Variants in CRIM1 observed in about 807,000 individuals in gnomAD.
CRIM1 encodes cysteine rich transmembrane BMP regulator 1.
In CRIM1, 32 loss-of-function variants were observed where a neutral mutation model predicts 116.4. The ratio of observed to expected loss-of-function variants is 0.27; its 90% CI spans 0.21 to 0.37. CRIM1 has a LOEUF of 0.37. Ranked by LOEUF, CRIM1 falls within the 10% of genes least tolerant of loss-of-function variation. The pLI is 1.00. For missense variants in CRIM1, 1,331 were observed against 1,354.8 expected, an observed-to-expected ratio of 0.98 and a Z score of 0.28; for synonymous variants, 590 against 509.2, an observed-to-expected ratio of 1.16 and a Z score of -2.13.
intron 1 of CRIM1, among the ~76,000 whole-genome samples, chr2:36,382,637 C>T (rs957651437): frequency 3.9e-5 from 6 of 152,330 alleles, no homozygotes; most frequent in Non-Finnish European, 7.4e-5. Context: ...TTCCTCCACC[C>T]GATTGATAAG....
chr2:36,441,558 C>T, intron 3 of CRIM1, 58 bp downstream of exon 3: 3 of 1,581,464 alleles, frequency 1.9e-6, no homozygotes, highest in South Asian at 1.1e-5. Context: ...GTAGCAGATC[C>T]CTCCTCAGCC....
intron 12 of CRIM1, 61 bp from the exon 13 acceptor site, chr2:36,522,031 A>G (rs1234220739): frequency 1.7e-5 from 24 of 1,410,640 alleles, no homozygotes; most frequent in South Asian, 1.0e-4. Context: ...GAAACACACT[A>G]TGTTGCATAG....
At chr2:36,358,212 C>T (rs972843296) in intron 1 of CRIM1, among the ~76,000 whole-genome samples, 3 of 152,162 alleles carry the variant, frequency 2.0e-5, no homozygotes, top group Non-Finnish European at 4.4e-5. Context: ...TTATGCCTTA[C>T]CTCAAGAAAA....
At chr2:36,546,231 A>G (rs909219531) in intron 15 of CRIM1, among the ~76,000 whole-genome samples, 3 of 152,186 alleles carry the variant, frequency 2.0e-5, no homozygotes, top group African/African-American at 2.4e-5. Context: ...TATAAAAATA[A>G]GGAAACTTTA....
chr2:36,369,849 A>G (rs1006924388), intron 1 of CRIM1, among the ~76,000 whole-genome samples: 3 of 152,180 alleles, frequency 2.0e-5, no homozygotes, highest in African/African-American at 4.8e-5. Context: ...CCTTCTTTGA[A>G]TGTGTAGTTA....
intron 2 of CRIM1, among the ~76,000 whole-genome samples, chr2:36,410,273 T>C (rs557204573): frequency 6.6e-6 from 1 of 152,224 alleles, no homozygotes; most frequent in Admixed American, 6.5e-5. Flanking sequence ...TGGGATTTTT[T>C]TTTCAATTTC....
intron 8 of CRIM1, among the ~76,000 whole-genome samples, chr2:36,507,222 CAT>C (rs745395083): frequency 2.6e-5 from 4 of 152,272 alleles, no homozygotes; most frequent in Admixed American, 6.5e-5. Flanking sequence ...TCATAATTGA[CAT>C]ATGTGGATTT....
At chr2:36,536,084 CT>C (rs1558412733) in intron 13 of CRIM1, among the ~76,000 whole-genome samples, 2 of 152,168 alleles carry the variant, frequency 1.3e-5, no homozygotes, top group Non-Finnish European at 2.9e-5. Flanking sequence ...TGTCTGTGAC[CT>C]TCCTCTGGAA....
At chr2:36,506,157 ACTCTCTCTCT>A (rs1191448142) in intron 8 of CRIM1, among the ~76,000 whole-genome samples, 7 of 125,278 alleles carry the variant, frequency 5.6e-5, no homozygotes, top group African/African-American at 2.3e-4. Context: ...ACACACACAC[ACTCTCTCTCT>A]CTCTCTCTCT....
At chr2:36,479,476 T>G in intron 6 of CRIM1, 21 bp from the exon 7 acceptor site, 1 of 1,611,958 alleles carries the variant, frequency 6.2e-7, no homozygotes, top group South Asian at 1.1e-5. Context: ...AGTCTAACTC[T>G]GAACTCATGT....
chr2:36,387,206 C>T (rs140427558), intron 1 of CRIM1, among the ~76,000 whole-genome samples: 1 of 152,130 alleles, frequency 6.6e-6, no homozygotes, highest in East Asian at 1.9e-4. Context: ...ACACTGTGAA[C>T]CAGGTATGTA....
chr2:36,550,590 T>TTAACCATTTTTTTGTCTTAGAA lies in CRIM1; in HGVS notation c.*1892_*1913dup, dbSNP rs1667700153. ...ATGACCTAATTTATTAATCTGAAGATTAACCATTTTTTTGTCTTAGAATAT... is the reference window on the plus strand; with the variant it reads ...ATGACCTAATTTATTAATCTGAAGATTAACCATTTTTTTGTCTTAGAATAACCATTTTTTTGTCTTAGAATAT... On this transcript the variant is annotated 3_prime_UTR_variant, in exon 17 of 17. Transcript: ENST00000280527. 2.0e-5 allele frequency: 3 copies of TTAACCATTTTTTTGTCTTAGAA among 152,486 alleles called. No homozygotes were observed. Among genetic ancestry groups the TTAACCATTTTTTTGTCTTAGAA allele is most frequent in the Admixed American group, 2.0e-4 (3 of 15,272 alleles). 9.4% of individuals were successfully genotyped at this position (152,486 alleles called of 1,614,324 possible).
intron 7 of CRIM1, among the ~76,000 whole-genome samples, chr2:36,485,879 T>C (rs1050539955): frequency 2.6e-5 from 4 of 152,242 alleles, no homozygotes; most frequent in Non-Finnish European, 4.4e-5. Context: ...GTTTTATCCT[T>C]TAACTCTAAA....
intron 13 of CRIM1, among the ~76,000 whole-genome samples, chr2:36,523,819 A>C (rs1392102801): frequency 2.0e-5 from 3 of 152,200 alleles, no homozygotes; most frequent in Non-Finnish European, 4.4e-5. Context: ...GCCATAACTC[A>C]AGCTCATGAG....
intron 1 of CRIM1, among the ~76,000 whole-genome samples, chr2:36,371,647 G>A (rs936728552): frequency 2.6e-5 from 4 of 152,148 alleles, no homozygotes; most frequent in Non-Finnish European, 5.9e-5. Context: ...TGATGAATTA[G>A]TTTCAGCTGT....
intron 2 of CRIM1, among the ~76,000 whole-genome samples, chr2:36,430,288 A>AG (rs1049654117): frequency 8.5e-5 from 13 of 152,170 alleles, no homozygotes; most frequent in Admixed American, 2.6e-4. Flanking sequence ...ATGGCTATGA[A>AG]GGGGGGAAAA....
At chr2:36,505,414 A>G (rs1320794765) in intron 8 of CRIM1, among the ~76,000 whole-genome samples, 1 of 126,056 alleles carries the variant, frequency 7.9e-6, no homozygotes, top group Non-Finnish European at 1.7e-5. Context: ...ACTTCTAAAT[A>G]AAGACCTAAA....
intron 2 of CRIM1, among the ~76,000 whole-genome samples, chr2:36,417,214 T>A (rs907387826): frequency 1.3e-5 from 2 of 152,174 alleles, no homozygotes; most frequent in Admixed American, 1.3e-4. Flanking sequence ...TTTTCTGACA[T>A]CCTTTTCTTC....
chr2:36,395,530 T>C (rs1341077286), intron 1 of CRIM1, among the ~76,000 whole-genome samples: 1 of 152,224 alleles, frequency 6.6e-6, no homozygotes, highest in African/African-American at 2.4e-5. Flanking sequence ...AGAGAAATAG[T>C]CTAATTTCCT....
Sources: allele counts gnomAD v4.1 joint callset (sites outside exome capture counted in the v4.1 genomes callset), GRCh38; gene constraint gnomAD v4.1.1; transcripts MANE v1.5; gene names NCBI Gene and HGNC (gene_info 2026-07-23, HGNC 2026-07-21).